The following SEC22A variants were observed in gnomAD, a reference collection of about 807,000 sequenced individuals.
The protein encoded by SEC22A is vesicle-trafficking protein SEC22a.
A neutral mutation model predicts 35.3 loss-of-function variants in SEC22A; 22 were observed. The ratio of observed to expected loss-of-function variants is 0.62; its 90% CI spans 0.45 to 0.89. The LOEUF (loss-of-function observed/expected upper bound fraction) is 0.89, where lower values mean the gene tolerates loss of function less well. Among genes scored for constraint, SEC22A ranks in the 40% least tolerant of loss-of-function variants. The pLI, the probability that SEC22A is intolerant of heterozygous loss-of-function variation, is 0.00. For missense variants in SEC22A, 354 were observed against 362.5 expected, an observed-to-expected ratio of 0.98 and a Z score of 0.19; for synonymous variants, 119 against 129.5, an observed-to-expected ratio of 0.92 and a Z score of 0.55.
At chr3:123,217,662 T>C (rs1329851011) in intron 2 of SEC22A, among the ~76,000 whole-genome samples, 2 of 152,234 alleles carry the variant, frequency 1.3e-5, no homozygotes, top group African/African-American at 4.8e-5. Context: ...GGCACAATTA[T>C]AGCATGAAAA....
intron 2 of SEC22A, among the ~76,000 whole-genome samples, chr3:123,219,920 T>C (rs569140074): frequency 6.6e-6 from 1 of 152,328 alleles, no homozygotes; most frequent in Admixed American, 6.5e-5. Flanking sequence ...GTATATACTT[T>C]GGGAAAACTA....
intron 2 of SEC22A, among the ~76,000 whole-genome samples, chr3:123,211,640 G>C (rs1936940449): frequency 6.6e-6 from 1 of 152,008 alleles, no homozygotes; most frequent in Admixed American, 6.6e-5. Flanking sequence ...TTTATTTTTA[G>C]TAGGGATGAG....
At position 123,236,096 on chromosome 3, in the gene SEC22A, GT is replaced by G. The variant is rs1484614961; in HGVS notation, c.542-9802del. On this transcript the variant is annotated intron_variant, in intron 4 of 6. Transcript: ENST00000492595. ...AATAGGTATAAGATTTCTTTTGGGG[GT>G]GATGAAAATATGGAATTAGGTATTT... Among the ~76,000 whole-genome samples the G allele has an allele frequency of 3.3e-5, 5 of 152,228 alleles. No individual in the cohort carries two copies. In the East Asian group the frequency reaches 9.6e-4, roughly 29 times the overall value.
chr3:123,218,041 T>G (rs1457479377), intron 2 of SEC22A, among the ~76,000 whole-genome samples: 1 of 152,250 alleles, frequency 6.6e-6, no homozygotes, highest in African/African-American at 2.4e-5. Flanking sequence ...GTAAATCAAA[T>G]TAGATACTAG....
At chr3:123,260,135 A>AAAAAAAAAAAAAAAAAAAAAC (rs1937851438) in intron 6 of SEC22A, among the ~76,000 whole-genome samples, 1 of 10,274 alleles carries the variant, frequency 9.7e-5, no homozygotes. Context: ...ACATCTCAAA[A>AAAAAAAAAAAAAAAAAAAAAC]AAAAAAAAAA....
rs569149247 is a variant in SEC22A at position 123,217,829 on chromosome 3, GT to G, written c.183-5729del. On this transcript the variant is annotated intron_variant, in intron 2 of 6. Transcript: ENST00000492595. ...TGTGATAAGCACATCCCCAGTAGTAGTATGGTAAGCTCCTGGCAGGCAGGGA... is the reference window on the plus strand; with the variant it reads ...TGTGATAAGCACATCCCCAGTAGTAGATGGTAAGCTCCTGGCAGGCAGGGA... 5.4e-4 allele frequency among the ~76,000 whole-genome samples: 82 copies of G among 152,290 alleles called. 1 individual carries two copies. Among genetic ancestry groups the G allele is most frequent in the African/African-American group, 1.8e-3 (76 of 41,560 alleles).
chr3:123,217,729 T>C (rs868783426), intron 2 of SEC22A, among the ~76,000 whole-genome samples: 38 of 152,364 alleles, frequency 2.5e-4, no homozygotes, highest in African/African-American at 7.9e-4. Flanking sequence ...TTTGTAATAC[T>C]AAATCATTTG....
At chr3:123,234,143 A>G (rs1265922746) in intron 4 of SEC22A, among the ~76,000 whole-genome samples, 3 of 152,240 alleles carry the variant, frequency 2.0e-5, no homozygotes, top group Non-Finnish European at 4.4e-5. Context: ...TACATTAATG[A>G]CAAATAGTCT....
chr3:123,237,197 T>C (rs144173307), intron 4 of SEC22A, among the ~76,000 whole-genome samples: 1 of 152,376 alleles, frequency 6.6e-6, no homozygotes, highest in East Asian at 1.9e-4. Flanking sequence ...GCCTTTGCTG[T>C]CTGCTAATCT....
chr3:123,244,477 T>C (rs1030315906), intron 4 of SEC22A, among the ~76,000 whole-genome samples: 2 of 152,188 alleles, frequency 1.3e-5, no homozygotes, highest in African/African-American at 2.4e-5. Flanking sequence ...TTTACTGATA[T>C]AACACTTGGA....
In SEC22A at chr3:123,273,833, A is replaced by G. The variant is rs1036112303; in HGVS notation, c.*2111A>G. Reference sequence around the variant, plus strand: ...CAAAAAAGAAAGGTTTTCTAAACTAATGGTTAAAACAGAATTTTCTTGTAA... The same window carrying G: ...CAAAAAAGAAAGGTTTTCTAAACTAGTGGTTAAAACAGAATTTTCTTGTAA... On this transcript the variant is annotated 3_prime_UTR_variant, in exon 7 of 7. Transcript: ENST00000492595. The G allele has an allele frequency of 2.0e-5, 3 of 151,560 alleles. No homozygotes were observed. Among genetic ancestry groups the G allele is most frequent in the African/African-American group, 7.3e-5 (3 of 41,154 alleles). 9.4% of individuals were successfully genotyped at this position (151,560 alleles called of 1,614,324 possible). A position where few individuals can be genotyped will look rare whatever the true frequency, so the allele number is the denominator to read the frequency against.
intron 2 of SEC22A, among the ~76,000 whole-genome samples, chr3:123,210,858 T>A (rs1049380170): frequency 6.6e-6 from 1 of 152,152 alleles, no homozygotes; most frequent in African/African-American, 2.4e-5. Flanking sequence ...GAGGAGGGCA[T>A]TCCAGGTGTA....
chr3:123,261,046 A>G (rs2108100719), intron 6 of SEC22A, among the ~76,000 whole-genome samples: 1 of 151,812 alleles, frequency 6.6e-6, no homozygotes, highest in Middle Eastern at 3.4e-3. Flanking sequence ...CATGTTAGCC[A>G]GGATGGTCTT....
chr3:123,203,113 A>G (rs1936784017), intron 1 of SEC22A, among the ~76,000 whole-genome samples: 1 of 104,686 alleles, frequency 9.6e-6, no homozygotes, highest in South Asian at 3.4e-4. Context: ...AAATCGAAGT[A>G]TATCTTATGT....
At chr3:123,244,455 A>G (rs908959180) in intron 4 of SEC22A, among the ~76,000 whole-genome samples, 3 of 152,144 alleles carry the variant, frequency 2.0e-5, no homozygotes, top group African/African-American at 7.2e-5. Flanking sequence ...TTAAATCGTG[A>G]ATTTTTTTTT....
intron 6 of SEC22A, among the ~76,000 whole-genome samples, chr3:123,268,557 A>G (rs1938075431): frequency 6.6e-6 from 1 of 152,204 alleles, no homozygotes; most frequent in Non-Finnish European, 1.5e-5. Context: ...CTTCCCAGAA[A>G]CAGAAGTCCC....
intron 4 of SEC22A, 53 bp downstream of exon 4, chr3:123,225,350 G>A: frequency 1.8e-6 from 2 of 1,104,788 alleles, no homozygotes; most frequent in Non-Finnish European, 2.6e-6. Context: ...GGGAAAAACT[G>A]AGAAACTCTT....
At chr3:123,241,130 G>C (rs945585793) in intron 4 of SEC22A, among the ~76,000 whole-genome samples, 1 of 151,424 alleles carries the variant, frequency 6.6e-6, no homozygotes, top group Admixed American at 6.6e-5. Flanking sequence ...TAGAAATACA[G>C]TAAACACATT....
intron 1 of SEC22A, among the ~76,000 whole-genome samples, chr3:123,205,822 G>C (rs1186818621): frequency 6.6e-6 from 1 of 152,226 alleles, no homozygotes; most frequent in Non-Finnish European, 1.5e-5. Context: ...TCTAATTGAG[G>C]AGTGATGTTT....
Sources: allele counts gnomAD v4.1 joint callset (sites outside exome capture counted in the v4.1 genomes callset), GRCh38; gene constraint gnomAD v4.1.1; transcripts MANE v1.5; gene names NCBI Gene and HGNC (gene_info 2026-07-23, HGNC 2026-07-21).